Variants in FSTL4 observed in about 807,000 individuals in gnomAD.
FSTL4 encodes follistatin-related protein 4.
FSTL4 carries 28 observed loss-of-function variants against 78.2 expected under a neutral mutation model. The ratio of observed to expected loss-of-function variants is 0.36; its 90% CI spans 0.27 to 0.49. The LOEUF (loss-of-function observed/expected upper bound fraction) is 0.49. FSTL4 is among the 20% of genes least tolerant of loss of function. FSTL4 has a pLI of 0.98. For missense variants in FSTL4, 922 were observed against 1,084.9 expected, an observed-to-expected ratio of 0.85 and a Z score of 2.11; for synonymous variants, 422 against 440.5, an observed-to-expected ratio of 0.96 and a Z score of 0.53.
chr5:133,355,686 A>G (rs888591211), intron 4 of FSTL4, among the ~76,000 whole-genome samples: 17 of 152,160 alleles, frequency 1.1e-4, no homozygotes, highest in Admixed American at 9.2e-4. Flanking sequence ...AAACAAAAAG[A>G]ACAAACAACA....
intron 4 of FSTL4, among the ~76,000 whole-genome samples, chr5:133,392,346 G>C (rs1174526636): frequency 6.6e-6 from 1 of 152,192 alleles, no homozygotes; most frequent in African/African-American, 2.4e-5. Context: ...CCTGGAAGCA[G>C]CTGCAAGAGA....
intron 8 of FSTL4, 124 bp downstream of exon 8, chr5:133,233,293 G>A: frequency 9.4e-7 from 1 of 1,060,872 alleles, no homozygotes; most frequent in Non-Finnish European, 1.4e-6. Context: ...TTATAAGAGA[G>A]ATGATATATT....
At chr5:133,215,579 G>GA (rs1389251227) in intron 13 of FSTL4, among the ~76,000 whole-genome samples, 1 of 152,200 alleles carries the variant, frequency 6.6e-6, no homozygotes, top group African/African-American at 2.4e-5. Flanking sequence ...TGCCTTGCCT[G>GA]AAGTCTCTTC....
chr5:133,571,062 G>A (rs896461910), intron 2 of FSTL4, among the ~76,000 whole-genome samples: 3 of 151,460 alleles, frequency 2.0e-5, no homozygotes, highest in African/African-American at 7.3e-5. Flanking sequence ...CACATAAAGG[G>A]CAAAAGGCTG....
the FSTL4 span, among the ~76,000 whole-genome samples, chr5:133,693,371 T>C: frequency 1.3e-5 from 2 of 152,328 alleles, no homozygotes; most frequent in East Asian, 3.9e-4. Flanking sequence ...AGAAATTATA[T>C]ACAAATTATA....
chr5:133,365,919 T>C (rs73265668), intron 4 of FSTL4, among the ~76,000 whole-genome samples: 10,111 of 152,236 alleles, frequency 0.066, 635 homozygotes, highest in African/African-American at 0.16. Context: ...CAGGGGCTGG[T>C]GGTACCCGAC....
At chr5:133,608,734 A>G (rs1330945157) in intron 1 of FSTL4, among the ~76,000 whole-genome samples, 2 of 152,264 alleles carry the variant, frequency 1.3e-5, no homozygotes, top group Non-Finnish European at 2.9e-5. Context: ...TTAGAATTAC[A>G]GAGGTATTAC....
At chr5:133,510,787 G>C (rs1036087655) in intron 3 of FSTL4, among the ~76,000 whole-genome samples, 1 of 151,994 alleles carries the variant, frequency 6.6e-6, no homozygotes, top group Non-Finnish European at 1.5e-5. Context: ...TGCCTCTACC[G>C]GTGAGTCAGC....
the FSTL4 span, among the ~76,000 whole-genome samples, chr5:133,696,633 A>G: frequency 6.6e-6 from 1 of 152,190 alleles, no homozygotes; most frequent in East Asian, 1.9e-4. Context: ...GTATCTGTTG[A>G]GTGAATAACT....
rs761186958 is a variant in FSTL4 at position 133,249,454 on chromosome 5, G to A, written c.850C>T (p.Arg284Cys). Residue 284 changes from arginine to cysteine, a missense_variant, in exon 7 of 16, where the codon CGC becomes TGC. Arg to Cys is a radical substitution (Grantham distance 180). Coordinates refer to ENST00000265342, the MANE Select transcript of FSTL4 (RefSeq NM_015082.2). ...GDLRPPIIWK[R>C]NGLTLNFLDL... ...AGGAAGTTCAGGGTGAGCCCGTTGC[G>A]CTTCCAGATGATTGGTGGCCTCAGG... is the stretch of plus-strand genomic sequence containing the variant. 4 of 1,613,842 alleles carry A rather than the reference G, an allele frequency of 2.5e-6. No homozygotes were observed. The highest frequency in any genetic ancestry group is 1.1e-5 in the South Asian group (1 of 91,078).
intron 6 of FSTL4, among the ~76,000 whole-genome samples, chr5:133,276,548 C>T (rs1752889221): frequency 6.6e-6 from 1 of 152,162 alleles, no homozygotes; most frequent in South Asian, 2.1e-4. Flanking sequence ...TAATAATGAC[C>T]CCTCAAGACT....
intron 4 of FSTL4, among the ~76,000 whole-genome samples, chr5:133,318,930 C>T (rs1029123718): frequency 4.6e-5 from 7 of 152,182 alleles, no homozygotes; most frequent in African/African-American, 1.7e-4. Context: ...GCATGGAGAG[C>T]GCCCTGGGAG....
At chr5:133,328,681 A>G (rs11750078) in intron 4 of FSTL4, among the ~76,000 whole-genome samples, 9,484 of 152,274 alleles carry the variant, frequency 0.062, 324 homozygotes, top group African/African-American at 0.08. Context: ...TGCCCTGTCC[A>G]GCAGCTCAGC....
intron 14 of FSTL4, among the ~76,000 whole-genome samples, chr5:133,208,871 A>G (rs1440260783): frequency 3.9e-5 from 6 of 152,090 alleles, no homozygotes; most frequent in Non-Finnish European, 8.8e-5. Flanking sequence ...GGGTTTCACT[A>G]TGTTGGCCAG....
At chr5:133,684,306 G>C in the FSTL4 span, among the ~76,000 whole-genome samples, 8 of 152,220 alleles carry the variant, frequency 5.3e-5, no homozygotes, top group African/African-American at 1.7e-4. Flanking sequence ...ACCCTCGCAG[G>C]TCAATGGCTG....
intron 4 of FSTL4, among the ~76,000 whole-genome samples, chr5:133,348,998 G>T (rs142798859): frequency 2.6e-5 from 4 of 152,280 alleles, no homozygotes; most frequent in African/African-American, 9.6e-5. Flanking sequence ...TTCAATAACT[G>T]CCACTTAGAG....
At chr5:133,674,298 C>G in the FSTL4 span, among the ~76,000 whole-genome samples, 1 of 152,098 alleles carries the variant, frequency 6.6e-6, no homozygotes, top group Non-Finnish European at 1.5e-5. Context: ...TCCCCCTCTG[C>G]GAGATATTTG....
At chr5:133,713,928 G>A in the FSTL4 span, among the ~76,000 whole-genome samples, 1 of 152,184 alleles carries the variant, frequency 6.6e-6, no homozygotes. Context: ...CACAAAGGGA[G>A]CCCGGACGCT....
chr5:133,577,470 G>A (rs112980832), intron 2 of FSTL4, among the ~76,000 whole-genome samples: 1 of 152,132 alleles, frequency 6.6e-6, no homozygotes, highest in African/African-American at 2.4e-5. Context: ...AGTCAAAGGT[G>A]GGGGAGGCAC....
Sources: gnomAD v4.1 joint callset for allele counts (sites outside exome capture counted in the v4.1 genomes callset) on GRCh38, gnomAD v4.1.1 for gene constraint, MANE v1.5 for transcripts, NCBI Gene and HGNC (gene_info 2026-07-23, HGNC 2026-07-21) for gene names.